Variants in PTPN14 observed in about 807,000 individuals in gnomAD.
PTPN14 encodes protein tyrosine phosphatase non-receptor type 14.
A neutral mutation model predicts 126.8 loss-of-function variants in PTPN14; 53 were observed. The observed-to-expected ratio is 0.42, with a 90% CI of 0.34 to 0.53. The LOEUF is 0.53. Ranked by LOEUF, PTPN14 falls within the 20% of genes least tolerant of loss-of-function variation. The pLI is 0.08. For missense variants in PTPN14, 1,257 were observed against 1,552.9 expected (o/e 0.81, Z 3.20); for synonymous variants, 630 against 599.3 (o/e 1.05, Z -0.75).
intron 1 of PTPN14, among the ~76,000 whole-genome samples, chr1:214,467,431 G>T (rs1660664744): frequency 6.6e-6 from 1 of 152,150 alleles, no homozygotes; most frequent in Admixed American, 6.5e-5. Context: ...AAAGAATGTG[G>T]CTGGCTTGGT....
chr1:214,412,464 C>T lies in PTPN14; in HGVS notation c.443-713G>A, dbSNP rs74507208. Among the ~76,000 whole-genome samples, 810 of 152,238 alleles carry T rather than the reference C, an allele frequency of 5.3e-3. 5 individuals carry two copies. Among genetic ancestry groups the T allele is most frequent in the African/African-American group, 0.019 (775 of 41,528 alleles). On this transcript the variant is annotated intron_variant, in intron 4 of 18. Coordinates refer to ENST00000366956, the MANE Select transcript of PTPN14 (RefSeq NM_005401.5). ...GATGAGAGGATACACACACCATGCACCAATGTTGAGAAGTTGCTAGAAGGT... is the reference window on the plus strand; with the variant it reads ...GATGAGAGGATACACACACCATGCATCAATGTTGAGAAGTTGCTAGAAGGT...
chr1:214,508,970 G>A (rs1654907157), intron 1 of PTPN14, among the ~76,000 whole-genome samples: 1 of 152,162 alleles, frequency 6.6e-6, no homozygotes, highest in Non-Finnish European at 1.5e-5. Flanking sequence ...AGTAAACCAT[G>A]CTGAAAACAG....
At chr1:214,445,691 GA>G (rs771901602) in intron 3 of PTPN14, among the ~76,000 whole-genome samples, 6 of 152,196 alleles carry the variant, frequency 3.9e-5, no homozygotes, top group South Asian at 4.1e-4. Flanking sequence ...AGAAATTAAA[GA>G]GGGACTTCCA....
intron 7 of PTPN14, among the ~76,000 whole-genome samples, chr1:214,401,045 C>T (rs1342331656): frequency 2.0e-5 from 3 of 152,072 alleles, no homozygotes; most frequent in African/African-American, 7.3e-5. Context: ...AGTTGGTCAA[C>T]AGAGAGTGGA....
chr1:214,402,066 A>G (rs536373603), intron 6 of PTPN14, among the ~76,000 whole-genome samples: 2 of 152,248 alleles, frequency 1.3e-5, no homozygotes, highest in African/African-American at 4.8e-5. Flanking sequence ...TGCCTACTTT[A>G]AAAAGAAGTT....
At chr1:214,532,896 C>A in intron 1 of PTPN14, 2 of 1,019,232 alleles carry the variant, frequency 2.0e-6, no homozygotes, top group Non-Finnish European at 3.1e-6. Flanking sequence ...TTGATGCCCC[C>A]AAATCTCAGG....
At chr1:214,430,095 C>T (rs1197614551) in intron 3 of PTPN14, among the ~76,000 whole-genome samples, 9 of 152,164 alleles carry the variant, frequency 5.9e-5, no homozygotes, top group East Asian at 5.8e-4. Context: ...AACTGTGCTA[C>T]GATTATTTGC....
intron 1 of PTPN14, among the ~76,000 whole-genome samples, chr1:214,543,030 T>C (rs1026219844): frequency 1.3e-5 from 2 of 152,180 alleles, no homozygotes; most frequent in Non-Finnish European, 2.9e-5. Flanking sequence ...GAACAGGCTG[T>C]CTTGGATATG....
intron 1 of PTPN14, among the ~76,000 whole-genome samples, chr1:214,490,857 AGGGAGGGGAG>A (rs1236400018): frequency 8.0e-4 from 9 of 11,318 alleles, no homozygotes; most frequent in South Asian, 4.6e-3. Flanking sequence ...AAGGAAGGGA[AGGGAGGGGAG>A]GGGAGGGGAG....
intron 15 of PTPN14, among the ~76,000 whole-genome samples, chr1:214,374,414 A>G (rs1012674282): frequency 1.3e-5 from 2 of 152,230 alleles, no homozygotes; most frequent in African/African-American, 4.8e-5. Flanking sequence ...CCTCTCTGGC[A>G]CCCAACGTAT....
At chr1:214,489,573 T>C (rs189047484) in intron 1 of PTPN14, among the ~76,000 whole-genome samples, 4 of 152,316 alleles carry the variant, frequency 2.6e-5, no homozygotes, top group Admixed American at 2.6e-4. Context: ...TCTCTAAGGT[T>C]TGATGCCTCA....
At chr1:214,359,615 G>T (rs1217596608) in intron 18 of PTPN14, among the ~76,000 whole-genome samples, 1 of 151,778 alleles carries the variant, frequency 6.6e-6, no homozygotes, top group African/African-American at 2.4e-5. Context: ...AACCTCCTAG[G>T]CTCAAGCAAT....
At chr1:214,405,561 A>G (rs1659145594) in intron 5 of PTPN14, among the ~76,000 whole-genome samples, 2 of 151,878 alleles carry the variant, frequency 1.3e-5, no homozygotes, top group African/African-American at 4.8e-5. Context: ...CTGATTAACA[A>G]TCACTTGTAC....
chr1:214,550,833 A>C lies in PTPN14; in HGVS notation c.-155+350T>G, dbSNP rs900170254. On this transcript the variant is annotated intron_variant, in intron 1 of 18. Transcript: ENST00000366956. ...TTCGTCTTTCATCCTCTAGCCCCCA[A>C]GGTCTAGGTATCTCTAGTTGCCCTT... Among the ~76,000 whole-genome samples the C allele has an allele frequency of 3.9e-5, 6 of 152,280 alleles. No individual in the cohort carries two copies. In the East Asian group the frequency reaches 1.2e-3, roughly 30 times the overall value.
chr1:214,546,630 C>T (rs1195802007), intron 1 of PTPN14, among the ~76,000 whole-genome samples: 2 of 152,184 alleles, frequency 1.3e-5, no homozygotes, highest in Non-Finnish European at 2.9e-5. Flanking sequence ...GACGATGCTA[C>T]ATCACCAAAG....
chr1:214,455,049 C>G (rs1195117930), intron 2 of PTPN14, among the ~76,000 whole-genome samples: 1 of 152,212 alleles, frequency 6.6e-6, no homozygotes. Context: ...TTTTCCTACT[C>G]TGGAGTAGAA....
intron 3 of PTPN14, among the ~76,000 whole-genome samples, chr1:214,421,744 T>C (rs1222408930): frequency 6.6e-6 from 1 of 152,096 alleles, no homozygotes; most frequent in Non-Finnish European, 1.5e-5. Flanking sequence ...CTGTCGTAAG[T>C]GTGCGGTGCT....
At chr1:214,422,771 C>A (rs1423422759) in intron 3 of PTPN14, among the ~76,000 whole-genome samples, 1 of 152,144 alleles carries the variant, frequency 6.6e-6, no homozygotes, top group Non-Finnish European at 1.5e-5. Context: ...GCAAGAAGAT[C>A]ATCTCTGTGA....
intron 18 of PTPN14, among the ~76,000 whole-genome samples, chr1:214,359,959 G>A (rs1571948866): frequency 2.0e-5 from 3 of 152,284 alleles, no homozygotes; most frequent in Admixed American, 2.0e-4. Context: ...GCAGATCAGA[G>A]GCTGTCACAG....
Sources: allele counts gnomAD v4.1 joint callset (sites outside exome capture counted in the v4.1 genomes callset), GRCh38; gene constraint gnomAD v4.1.1; transcripts MANE v1.5; gene names NCBI Gene and HGNC (gene_info 2026-07-23, HGNC 2026-07-21).